TCEANC2: variants seen among roughly 807,000 people sequenced by gnomAD.
TCEANC2 encodes the protein transcription elongation factor A N-terminal and central domain-containing protein 2.
Under a neutral mutation model 22.8 loss-of-function variants are expected in TCEANC2, and 20 were observed. The ratio of observed to expected loss-of-function variants is 0.88; its 90% CI spans 0.62 to 1.28. The LOEUF (loss-of-function observed/expected upper bound fraction) is 1.28, where lower values mean the gene tolerates loss of function less well. Among genes scored for constraint, TCEANC2 ranks in the 50% most tolerant of loss-of-function variants. The pLI, the probability that TCEANC2 is intolerant of heterozygous loss-of-function variation, is 0.00. For missense variants in TCEANC2, 251 were observed against 249.7 expected (o/e 1.01, Z -0.03); for synonymous variants, 84 against 95.5 (o/e 0.88, Z 0.70).
chr1:54,071,166 G>T (rs1470778471), intron 3 of TCEANC2, among the ~76,000 whole-genome samples: 1 of 152,176 alleles, frequency 6.6e-6, no homozygotes, highest in African/African-American at 2.4e-5. Context: ...TTCTTTGTAA[G>T]CCATTCAGAA....
At chr1:54,063,915 G>T (rs1370664833) in intron 2 of TCEANC2, among the ~76,000 whole-genome samples, 1 of 152,158 alleles carries the variant, frequency 6.6e-6, no homozygotes, top group Non-Finnish European at 1.5e-5. Context: ...TGAATCCACA[G>T]ATGTGAAACC....
chr1:54,082,639 A>G (rs1658268259), intron 3 of TCEANC2, among the ~76,000 whole-genome samples: 1 of 152,096 alleles, frequency 6.6e-6, no homozygotes, highest in Non-Finnish European at 1.5e-5. Flanking sequence ...ATGACCCCAA[A>G]CAGGGACATG....
chr1:54,064,715 T>G (rs12732808), intron 2 of TCEANC2, among the ~76,000 whole-genome samples: 4,583 of 105,030 alleles, frequency 0.044, 91 homozygotes, highest in Middle Eastern at 0.096. Context: ...TTTTTTTTTT[T>G]GGGGGACGGA....
chr1:54,081,051 C>G (rs1658234501), intron 3 of TCEANC2, among the ~76,000 whole-genome samples: 1 of 152,152 alleles, frequency 6.6e-6, no homozygotes, highest in East Asian at 1.9e-4. Flanking sequence ...AGCCAGACTG[C>G]TTATATATGA....
rs1315830143 is a variant in TCEANC2, at chr1:54,088,623, C to T, written c.271C>T (p.His91Tyr). The part of the protein sequence containing the change: ...IGHTVNKMRK[H>Y]SDSEVASLAR... ...TCACACTGTGAACAAGATGCGTAAA[C>T]ACTCAGATTCAGAAGTGGCTTCTCT... The change falls in exon 4 of 5, where the codon CAC becomes TAC. Residue 91 changes from histidine (H) to tyrosine (Y), a missense_variant. Physicochemically the swap from His to Tyr is moderately conservative, Grantham distance 83. Coordinates refer to ENST00000234827, the MANE Select transcript of TCEANC2 (RefSeq NM_153035.3). 1.9e-6 allele frequency: 3 copies of T among 1,603,488 alleles called. No homozygotes were observed. Among genetic ancestry groups the T allele is most frequent in the Non-Finnish European group, 2.5e-6 (3 of 1,177,122 alleles).
At chr1:54,092,351 A>T (rs1658461480) in intron 4 of TCEANC2, among the ~76,000 whole-genome samples, 1 of 152,236 alleles carries the variant, frequency 6.6e-6, no homozygotes, top group South Asian at 2.1e-4. Flanking sequence ...CATAAAGTGC[A>T]GAGCAGTTAA....
intron 3 of TCEANC2, among the ~76,000 whole-genome samples, 188 bp downstream of exon 3, chr1:54,069,085 T>A (rs1379099331): frequency 2.0e-5 from 3 of 152,258 alleles, no homozygotes; most frequent in East Asian, 3.9e-4. Context: ...ATTAAAAAAA[T>A]TATCAGAAAA....
At chr1:54,086,930 A>AT (rs1383843402) in intron 3 of TCEANC2, among the ~76,000 whole-genome samples, 1 of 152,202 alleles carries the variant, frequency 6.6e-6, no homozygotes, top group Non-Finnish European at 1.5e-5. Flanking sequence ...ATCCTGGAGC[A>AT]TTAAGGAAGT....
intron 3 of TCEANC2, among the ~76,000 whole-genome samples, chr1:54,077,490 T>G (rs755670803): frequency 6.6e-6 from 1 of 152,194 alleles, no homozygotes; most frequent in Non-Finnish European, 1.5e-5. Context: ...CTTCCCAGAC[T>G]GTGAATTTGA....
intron 3 of TCEANC2, among the ~76,000 whole-genome samples, chr1:54,076,637 T>G (rs1418956041): frequency 6.6e-6 from 1 of 152,150 alleles, no homozygotes; most frequent in Non-Finnish European, 1.5e-5. Context: ...AGCTATAGGA[T>G]GACATGATGA....
intron 3 of TCEANC2, among the ~76,000 whole-genome samples, chr1:54,075,670 G>A (rs138591056): frequency 6.6e-6 from 1 of 152,080 alleles, no homozygotes; most frequent in Non-Finnish European, 1.5e-5. Context: ...TCCTTTAGAG[G>A]TTTTCAGTAT....
intron 3 of TCEANC2, among the ~76,000 whole-genome samples, chr1:54,073,513 G>A (rs2100366654): frequency 6.6e-6 from 1 of 152,196 alleles, no homozygotes; most frequent in South Asian, 2.1e-4. Flanking sequence ...CCCTCCCTGA[G>A]TGCACCCTTC....
chr1:54,085,439 T>C (rs1301560628), intron 3 of TCEANC2, among the ~76,000 whole-genome samples: 2 of 152,228 alleles, frequency 1.3e-5, no homozygotes, highest in African/African-American at 4.8e-5. Flanking sequence ...TCTTTCATTA[T>C]GTATTAAATT....
chr1:54,094,242 C>T (rs920923874), intron 4 of TCEANC2, among the ~76,000 whole-genome samples: 2 of 152,172 alleles, frequency 1.3e-5, no homozygotes, highest in African/African-American at 4.8e-5. Flanking sequence ...CTGTTCTGCT[C>T]TTTGCTTGGT....
rs1658689107 is a variant in TCEANC2 at position 54,103,044 on chromosome 1, G to C, written c.*6571G>C. The C allele has an allele frequency of 6.6e-6, 1 of 152,396 alleles. No individual in the cohort carries two copies. The highest frequency in any genetic ancestry group is 1.5e-5 in the Non-Finnish European group (1 of 68,132). 9.4% of individuals were successfully genotyped at this position (152,396 alleles called of 1,614,324 possible). A position where few individuals can be genotyped will look rare whatever the true frequency, so the allele number is the denominator to read the frequency against. On this transcript the variant is annotated 3_prime_UTR_variant, in exon 5 of 5. Coordinates refer to ENST00000234827, the MANE Select transcript of TCEANC2 (RefSeq NM_153035.3). ...ACAAGGAGACCTGTGGTGGAGGCATGTAGTTGGACCTATAGGAGTGGGCAC... is the reference window on the plus strand; with the variant it reads ...ACAAGGAGACCTGTGGTGGAGGCATCTAGTTGGACCTATAGGAGTGGGCAC...
chr1:54,094,194 A>ACT (rs533584530), intron 4 of TCEANC2, among the ~76,000 whole-genome samples: 6 of 150,314 alleles, frequency 4.0e-5, no homozygotes, highest in Non-Finnish European at 1.5e-5. Flanking sequence ...CTGGATATTC[A>ACT]CTCTCTCTCT....
chr1:54,109,295 G>A (rs901082085), downstream of TCEANC2, among the ~76,000 whole-genome samples: 1 of 152,214 alleles, frequency 6.6e-6, no homozygotes, highest in Non-Finnish European at 1.5e-5. Context: ...ATGTGCAAAC[G>A]TGGAAGCTAG....
Position 54,054,533 on chromosome 1 carries a change from G to A in TCEANC2, c.102+9G>A, listed in dbSNP as rs746272356. 3.7e-6 allele frequency: 6 copies of A among 1,609,368 alleles called. No individual in the cohort carries two copies. The highest frequency in any genetic ancestry group is 1.1e-5 in the South Asian group (1 of 90,412). The stretch of plus-strand genomic sequence containing the variant: ...CGATTGAATCTCTGAAGGTGAGAGG[G>A]GATCTGGGGCTAGAGGAAATGTGCA... On this transcript the variant is annotated intron_variant, in intron 2 of 4. Transcript: ENST00000234827.
At chr1:54,063,062 G>A (rs1212695189) in intron 2 of TCEANC2, among the ~76,000 whole-genome samples, 1 of 152,218 alleles carries the variant, frequency 6.6e-6, no homozygotes, top group Non-Finnish European at 1.5e-5. Flanking sequence ...AATCAGAGCT[G>A]TAAATGGGAG....
Sources: gnomAD v4.1 joint callset for allele counts (sites outside exome capture counted in the v4.1 genomes callset) on GRCh38, gnomAD v4.1.1 for gene constraint, MANE v1.5 for transcripts, NCBI Gene and HGNC (gene_info 2026-07-23, HGNC 2026-07-21) for gene names.